Variants in KIAA1328 observed in about 807,000 individuals in gnomAD.
KIAA1328 encodes the protein KIAA1328, also known as protein hinderin.
KIAA1328 carries 52 observed loss-of-function variants against 68.1 expected under a neutral mutation model. That is an observed-to-expected ratio of 0.76 (90% confidence interval 0.61 to 0.96). The LOEUF is 0.96. Ranked by LOEUF, KIAA1328 falls within the 40% of genes least tolerant of loss-of-function variation. The pLI is 0.00. For missense variants in KIAA1328, 641 were observed against 677.6 expected, an observed-to-expected ratio of 0.95 and a Z score of 0.60; for synonymous variants, 232 against 239.4, an observed-to-expected ratio of 0.97 and a Z score of 0.28.
At chr18:36,969,803 A>T (rs1041491204) in intron 6 of KIAA1328, among the ~76,000 whole-genome samples, 1 of 152,158 alleles carries the variant, frequency 6.6e-6, no homozygotes, top group Non-Finnish European at 1.5e-5. Context: ...CATTATCCTG[A>T]TACCAAAACC....
chr18:37,137,942 C>G (rs1236223650), intron 7 of KIAA1328, among the ~76,000 whole-genome samples: 1 of 152,156 alleles, frequency 6.6e-6, no homozygotes, highest in Non-Finnish European at 1.5e-5. Context: ...TTCAACATCT[C>G]CAGATCCAAT....
At chr18:37,058,580 C>T (rs562046871) in intron 6 of KIAA1328, among the ~76,000 whole-genome samples, 15 of 152,006 alleles carry the variant, frequency 9.9e-5, no homozygotes, top group East Asian at 3.9e-4. Flanking sequence ...AGGTATGCAG[C>T]GTGCCCCTGT....
chr18:36,923,034 A>AT (rs2049985514), intron 5 of KIAA1328, among the ~76,000 whole-genome samples: 1 of 151,914 alleles, frequency 6.6e-6, no homozygotes, highest in Non-Finnish European at 1.5e-5. Flanking sequence ...TTTTCCTTTA[A>AT]TTTTTTCTTA....
At chr18:36,996,612 C>A (rs1183603255) in intron 6 of KIAA1328, among the ~76,000 whole-genome samples, 1 of 151,934 alleles carries the variant, frequency 6.6e-6, no homozygotes, top group East Asian at 1.9e-4. Context: ...AGTATACCAA[C>A]CCTTGCCAAG....
At chr18:36,972,836 T>C (rs1318347071) in intron 6 of KIAA1328, among the ~76,000 whole-genome samples, 1 of 152,144 alleles carries the variant, frequency 6.6e-6, no homozygotes, top group East Asian at 1.9e-4. Context: ...CTGAGGGCCA[T>C]TGGTGCATAC....
intron 5 of KIAA1328, among the ~76,000 whole-genome samples, chr18:36,951,639 T>C (rs1187615341): frequency 1.3e-5 from 2 of 152,172 alleles, no homozygotes; most frequent in East Asian, 1.9e-4. Context: ...CTATCTCCAC[T>C]AAACTCTCCC....
intron 6 of KIAA1328, among the ~76,000 whole-genome samples, chr18:37,012,688 T>C (rs992339202): frequency 3.9e-5 from 6 of 152,204 alleles, no homozygotes; most frequent in Admixed American, 3.9e-4. Flanking sequence ...AACCAGGCTG[T>C]GGGTGTTCTG....
At chr18:36,949,000 A>G (rs2051029919) in intron 5 of KIAA1328, among the ~76,000 whole-genome samples, 1 of 152,152 alleles carries the variant, frequency 6.6e-6, no homozygotes, top group South Asian at 2.1e-4. Context: ...ACCATTTTCC[A>G]TAGTCTATAT....
intron 9 of KIAA1328, among the ~76,000 whole-genome samples, chr18:37,211,915 C>A (rs1369304926): frequency 6.6e-6 from 1 of 152,136 alleles, no homozygotes; most frequent in Non-Finnish European, 1.5e-5. Flanking sequence ...TTTACTGTTT[C>A]CCAATTATTT....
chr18:37,162,406 A>C (rs910560758), intron 8 of KIAA1328, among the ~76,000 whole-genome samples: 1 of 152,082 alleles, frequency 6.6e-6, no homozygotes, highest in African/African-American at 2.4e-5. Context: ...CTTTTATTCT[A>C]ATATGGAGCT....
At chr18:37,039,166 C>T (rs1431340311) in intron 6 of KIAA1328, among the ~76,000 whole-genome samples, 2 of 151,962 alleles carry the variant, frequency 1.3e-5, no homozygotes, top group Middle Eastern at 6.8e-3. Context: ...TATATTGGTC[C>T]TTGTTTTTCT....
At chr18:36,969,157 A>G (rs1293393142) in intron 6 of KIAA1328, among the ~76,000 whole-genome samples, 1 of 152,178 alleles carries the variant, frequency 6.6e-6, no homozygotes, top group East Asian at 1.9e-4. Context: ...AGGGAAATTT[A>G]TAGCACTAAA....
chr18:37,224,267 G>A lies in KIAA1328; in HGVS notation c.*2040G>A. 1.0e-6 allele frequency: 1 copy of A among 985,402 alleles called. No homozygotes were observed. The highest frequency in any genetic ancestry group is 1.2e-6 in the Non-Finnish European group (1 of 829,934). The allele number at this position is 985,402 out of a possible 1,614,324, so 61.0% of individuals were successfully genotyped here. A position where few individuals can be genotyped will look rare whatever the true frequency, so the allele number is the denominator to read the frequency against. ...CCAGAGGATCAAGAAAAGGATCACA[G>A]TTTCTTGAAGAAGCTTGTTTGCCTT... On this transcript the variant is annotated 3_prime_UTR_variant, in exon 10 of 10. Coordinates refer to ENST00000280020, the MANE Select transcript of KIAA1328 (RefSeq NM_020776.3).
At chr18:37,227,979 A>G (rs2060648132), downstream of KIAA1328, among the ~76,000 whole-genome samples, 1 of 152,212 alleles carries the variant, frequency 6.6e-6, no homozygotes, top group South Asian at 2.1e-4. Context: ...CAAAATATCA[A>G]GATTAACAGG....
At chr18:37,036,186 G>T (rs546432442) in intron 6 of KIAA1328, among the ~76,000 whole-genome samples, 1 of 152,310 alleles carries the variant, frequency 6.6e-6, no homozygotes, top group African/African-American at 2.4e-5. Flanking sequence ...AAACTGCTCT[G>T]TGAAAGAAAC....
intron 7 of KIAA1328, among the ~76,000 whole-genome samples, chr18:37,095,488 T>A (rs760847364): frequency 2.2e-4 from 34 of 152,182 alleles, no homozygotes; most frequent in Non-Finnish European, 4.0e-4. Flanking sequence ...GGCCATTGTG[T>A]CAATGAGGAA....
At chr18:37,107,686 G>A (rs1340810071) in intron 7 of KIAA1328, among the ~76,000 whole-genome samples, 1 of 152,154 alleles carries the variant, frequency 6.6e-6, no homozygotes, top group Non-Finnish European at 1.5e-5. Context: ...TATAGAAATG[G>A]CACTAATATT....
chr18:36,988,594 T>G (rs1330111092), intron 6 of KIAA1328, among the ~76,000 whole-genome samples: 4 of 152,230 alleles, frequency 2.6e-5, no homozygotes, highest in African/African-American at 4.8e-5. Flanking sequence ...TATTGATTTT[T>G]AATTATTGTC....
At chr18:36,996,043 G>C (rs2053378767) in intron 6 of KIAA1328, among the ~76,000 whole-genome samples, 2 of 152,114 alleles carry the variant, frequency 1.3e-5, no homozygotes, top group Non-Finnish European at 2.9e-5. Flanking sequence ...GTTAAAAGTA[G>C]GTATTGTTGT....
Sources: allele counts gnomAD v4.1 joint callset (sites outside exome capture counted in the v4.1 genomes callset), GRCh38; gene constraint gnomAD v4.1.1; transcripts MANE v1.5; gene names NCBI Gene and HGNC (gene_info 2026-07-23, HGNC 2026-07-21).